R3HDM2: variants seen among roughly 807,000 people sequenced by gnomAD.
R3HDM2 encodes the protein R3H domain-containing protein 2.
In R3HDM2, 38 loss-of-function variants were observed where a neutral mutation model predicts 124.5. That is an observed-to-expected ratio of 0.31 (90% CI 0.24 to 0.40). The LOEUF (loss-of-function observed/expected upper bound fraction) is 0.40, where lower values mean the gene tolerates loss of function less well. Ranked by LOEUF, R3HDM2 falls within the 10% of genes least tolerant of loss-of-function variation. The probability of loss-of-function intolerance (pLI) is 1.00; values close to 1 mark genes in which losing one functional copy is unlikely to be tolerated. For synonymous variants in R3HDM2, 391 were observed against 448.0 expected (o/e 0.87, Z 1.61); for missense variants, 869 against 1,236.9 (o/e 0.70, Z 4.46).
At position 57,271,437 on chromosome 12, in the gene R3HDM2, TACAC is replaced by T. The variant is rs34695167; in HGVS notation, c.1345-1447_1345-1444del. Among the ~76,000 whole-genome samples, 200 of 149,510 alleles carry T rather than the reference TACAC, an allele frequency of 1.3e-3. 6 individuals carry two copies. The South Asian group carries it at 0.022, about 17-fold the overall frequency. On this transcript the variant is annotated intron_variant, in intron 14 of 23. Transcript: ENST00000402412. ...TTCCCTTCTGCTCCCTGGACAGTAA[TACAC>T]ACACACACACACACACACACGCACA...
intron 2 of R3HDM2, among the ~76,000 whole-genome samples, chr12:57,317,027 G>A (rs1330252593): frequency 3.9e-5 from 6 of 151,924 alleles, no homozygotes; most frequent in East Asian, 1.9e-4. Flanking sequence ...GATTACAGGC[G>A]TGAGACATCG....
At chr12:57,352,458 A>C (rs1023655878) in intron 2 of R3HDM2, among the ~76,000 whole-genome samples, 4 of 151,832 alleles carry the variant, frequency 2.6e-5, no homozygotes, top group African/African-American at 9.7e-5. Flanking sequence ...AATAAGATGA[A>C]CAAGGAAGGA....
intron 1 of R3HDM2, chr12:57,418,187 T>C: frequency 3.0e-6 from 3 of 985,418 alleles, no homozygotes; most frequent in South Asian, 4.7e-5. Flanking sequence ...GACACAAACC[T>C]GAGCGTCATC....
At chr12:57,370,627 C>T (rs867528584) in intron 2 of R3HDM2, among the ~76,000 whole-genome samples, 2 of 151,836 alleles carry the variant, frequency 1.3e-5, no homozygotes, top group East Asian at 1.9e-4. Flanking sequence ...GCAACAAGAG[C>T]GAAACTCCAT....
intron 1 of R3HDM2, among the ~76,000 whole-genome samples, chr12:57,412,918 G>A (rs1224486405): frequency 1.3e-5 from 2 of 152,102 alleles, no homozygotes; most frequent in African/African-American, 2.4e-5. Context: ...TTGGGAGGCC[G>A]AGGTGGGCGG....
At chr12:57,386,595 G>A (rs539614793) in intron 2 of R3HDM2, among the ~76,000 whole-genome samples, 21 of 151,880 alleles carry the variant, frequency 1.4e-4, no homozygotes, top group South Asian at 2.1e-4. Flanking sequence ...CCTGACGAGC[G>A]CCGCCCCCTG....
rs144681280 is a variant in R3HDM2, at chr12:57,307,321, T to C, written c.165+2943A>G. On this transcript the variant is annotated intron_variant, in intron 3 of 23. Transcript: ENST00000402412. ...GAAATGCTGGGTTTTTTTGTTGTTG[T>C]TTTGTTTTGTTTTTTGAGACGGGGT... Among the ~76,000 whole-genome samples the C allele has an allele frequency of 3.2e-3, 323 of 101,374 alleles. 9 individuals carry two copies. In the East Asian group the frequency reaches 0.061, roughly 19 times the overall value. The allele number at this position is 101,374 out of a possible 152,430, so 66.5% of individuals were successfully genotyped here.
intron 9 of R3HDM2, among the ~76,000 whole-genome samples, chr12:57,295,894 G>A (rs1478414493): frequency 1.3e-5 from 2 of 152,054 alleles, no homozygotes; most frequent in Non-Finnish European, 2.9e-5. Context: ...TTTTTGAGAT[G>A]GAGTCTCACT....
At chr12:57,349,120 C>T (rs2137176413) in intron 2 of R3HDM2, among the ~76,000 whole-genome samples, 1 of 152,146 alleles carries the variant, frequency 6.6e-6, no homozygotes, top group South Asian at 2.1e-4. Context: ...GTGGCTCACG[C>T]CTGTAGTCCC....
chr12:57,413,850 T>C (rs897960922), intron 1 of R3HDM2, among the ~76,000 whole-genome samples: 565 of 39,890 alleles, frequency 0.014, 2 homozygotes, highest in African/African-American at 0.039. Context: ...CCCCCCCCTT[T>C]TTTTTTTTTT....
intron 2 of R3HDM2, among the ~76,000 whole-genome samples, chr12:57,342,246 G>T (rs1029730238): frequency 6.6e-6 from 1 of 152,044 alleles, no homozygotes. Flanking sequence ...CTGTTCTGCC[G>T]GAATTTTGCC....
intron 12 of R3HDM2, among the ~76,000 whole-genome samples, chr12:57,286,030 T>G (rs994030777): frequency 1.3e-5 from 2 of 152,188 alleles, no homozygotes; most frequent in Non-Finnish European, 2.9e-5. Flanking sequence ...AAGTTGAGTC[T>G]TGGCAGGAAA....
rs148831101 is a variant in R3HDM2, at chr12:57,254,442, A to G, written c.*331T>C. ...CCTGAACCCAGGAGCTGGAGGTTGC[A>G]GTTAGCCAAGATCGTGCTACTGCAC... On this transcript the variant is annotated 3_prime_UTR_variant, in exon 24 of 24. Coordinates refer to ENST00000402412, the MANE Select transcript of R3HDM2 (RefSeq NM_001394031.1). The G allele has an allele frequency of 4.0e-3, 1,344 of 333,828 alleles. 17 individuals carry two copies. The highest frequency in any genetic ancestry group is 0.028 in the African/African-American group (1,225 of 43,586). The allele number at this position is 333,828 out of a possible 1,614,324, so 20.7% of individuals were successfully genotyped here. A position where few individuals can be genotyped will look rare whatever the true frequency, so the allele number is the denominator to read the frequency against.
At chr12:57,365,602 A>C (rs1333795424) in intron 2 of R3HDM2, among the ~76,000 whole-genome samples, 2 of 152,208 alleles carry the variant, frequency 1.3e-5, no homozygotes, top group African/African-American at 4.8e-5. Flanking sequence ...AGAAAATCTC[A>C]AAGAGAACTA....
chr12:57,338,350 AAAAC>A (rs71448513), intron 2 of R3HDM2, among the ~76,000 whole-genome samples: 67,509 of 151,642 alleles, frequency 0.45, 15,531 homozygotes, highest in South Asian at 0.52. Flanking sequence ...TATAGAGAAG[AAAAC>A]AAACAAACAA....
intron 4 of R3HDM2, among the ~76,000 whole-genome samples, chr12:57,302,310 A>G (rs1373149645): frequency 6.6e-6 from 1 of 151,706 alleles, no homozygotes; most frequent in Non-Finnish European, 1.5e-5. Context: ...ATGGCCAGGC[A>G]TGGTGGCTCA....
At chr12:57,339,996 T>C (rs2059362231) in intron 2 of R3HDM2, among the ~76,000 whole-genome samples, 1 of 152,196 alleles carries the variant, frequency 6.6e-6, no homozygotes, top group Non-Finnish European at 1.5e-5. Flanking sequence ...CTCTAACATC[T>C]TTCAATAGCT....
chr12:57,288,896 G>A, intron 12 of R3HDM2, 113 bp downstream of exon 12: 2 of 1,551,456 alleles, frequency 1.3e-6, no homozygotes, highest in Non-Finnish European at 1.7e-6. Context: ...AGAAGAAAAG[G>A]CTTCTTTGGA....
At chr12:57,417,843 A>C (rs952230702) in intron 1 of R3HDM2, among the ~76,000 whole-genome samples, 25 of 152,166 alleles carry the variant, frequency 1.6e-4, no homozygotes, top group Non-Finnish European at 8.8e-5. Context: ...GGCATAGGCT[A>C]CCTTGGTCCC....
Sources: gnomAD v4.1 joint callset for allele counts (sites outside exome capture counted in the v4.1 genomes callset) on GRCh38, gnomAD v4.1.1 for gene constraint, MANE v1.5 for transcripts, NCBI Gene and HGNC (gene_info 2026-07-23, HGNC 2026-07-21) for gene names.